Variants in BST1 observed in about 807,000 individuals in gnomAD.
BST1 encodes bone marrow stromal cell antigen 1, also known as ADP-ribosyl cyclase/cyclic ADP-ribose hydrolase 2.
In BST1, 49 loss-of-function variants were observed where a neutral mutation model predicts 40.6. That is an observed-to-expected ratio of 1.21 (90% CI 0.96 to 1.53). The LOEUF (loss-of-function observed/expected upper bound fraction) is 1.53, where lower values mean the gene tolerates loss of function less well. Ranked by LOEUF, BST1 falls within the 40% of genes most tolerant of loss-of-function variation. The pLI is 0.00. For synonymous variants in BST1, 157 were observed against 159.3 expected (o/e 0.99, Z 0.11); for missense variants, 423 against 395.9 (o/e 1.07, Z -0.58).
At chr4:15,751,990 C>T in the BST1 span, among the ~76,000 whole-genome samples, 4 of 152,028 alleles carry the variant, frequency 2.6e-5, no homozygotes, top group Non-Finnish European at 5.9e-5. Context: ...TATAAACATG[C>T]TAAGGAGATT....
At chr4:15,708,684 G>C (rs1720026300) in intron 3 of BST1, among the ~76,000 whole-genome samples, 2 of 152,122 alleles carry the variant, frequency 1.3e-5, no homozygotes, top group South Asian at 4.1e-4. Context: ...TTCGAGATTA[G>C]CCTGGCCAAC....
At chr4:15,741,688 C>T (rs1354891796), downstream of BST1, among the ~76,000 whole-genome samples, 1 of 152,136 alleles carries the variant, frequency 6.6e-6, no homozygotes, top group African/African-American at 2.4e-5. Flanking sequence ...CTGAAAACTA[C>T]ATGAAGCTCA....
Position 15,721,432 on chromosome 4 carries a change from T to C in BST1, c.792-1443T>C, listed in dbSNP as rs547920901. ...AACAATGACAGATAACTACTTTTAT[T>C]AAAAATATGTGCATCACATATACAC... On this transcript the variant is annotated intron_variant, in intron 7 of 8. Transcript: ENST00000265016. 6.6e-5 allele frequency among the ~76,000 whole-genome samples: 10 copies of C among 152,258 alleles called. No homozygotes were observed. In the South Asian group the frequency reaches 2.1e-3, roughly 32 times the overall value.
At chr4:15,763,345 G>T in the BST1 span, among the ~76,000 whole-genome samples, 15 of 151,538 alleles carry the variant, frequency 9.9e-5, no homozygotes, top group Non-Finnish European at 2.1e-4. Context: ...AAAATCTTAG[G>T]ATATAAATTC....
At chr4:15,741,469 C>T (rs2148901672), downstream of BST1, among the ~76,000 whole-genome samples, 1 of 152,258 alleles carries the variant, frequency 6.6e-6, no homozygotes, top group Admixed American at 6.5e-5. Context: ...CATGAAAAAT[C>T]AGTCATAGAT....
At chr4:15,746,531 C>T in the BST1 span, among the ~76,000 whole-genome samples, 5,038 of 152,270 alleles carry the variant, frequency 0.033, 280 homozygotes, top group African/African-American at 0.11. Context: ...GTGTGCCAAA[C>T]TCATCATTTT....
At chr4:15,751,724 A>G in the BST1 span, among the ~76,000 whole-genome samples, 2 of 151,930 alleles carry the variant, frequency 1.3e-5, no homozygotes, top group African/African-American at 4.8e-5. Flanking sequence ...ACATCCACAT[A>G]TAGTATGCAC....
the BST1 span, among the ~76,000 whole-genome samples, chr4:15,753,233 A>G: frequency 2.0e-5 from 3 of 152,170 alleles, no homozygotes; most frequent in African/African-American, 4.8e-5. Flanking sequence ...TTCAGATTAG[A>G]TATGTTCCAG....
At chr4:15,751,199 G>A in the BST1 span, among the ~76,000 whole-genome samples, 1 of 152,190 alleles carries the variant, frequency 6.6e-6, no homozygotes, top group Non-Finnish European at 1.5e-5. Context: ...GGGGTTATAT[G>A]AATTAATTTG....
Position 15,731,796 on chromosome 4 carries a change from G to A in BST1, c.908G>A (p.Gly303Asp). The A allele has an allele frequency of 2.5e-6, 4 of 1,613,844 alleles. No homozygotes were observed. Among genetic ancestry groups the A allele is most frequent in the Non-Finnish European group, 3.4e-6 (4 of 1,179,924 alleles). The change falls in exon 9 of 9, where the codon GGT becomes GAT. Residue 303 changes from glycine (G) to aspartate (D), a missense_variant. Transcript: ENST00000265016. ...APSLYTEQRA[G>D]LIIPLFLVLA... The stretch of plus-strand genomic sequence containing the variant: ...AGTCTTTATACAGAACAAAGGGCGG[G>A]TCTTATCATTCCCCTCTTTCTGGTG...
At chr4:15,735,076 G>T (rs979263729), downstream of BST1, among the ~76,000 whole-genome samples, 2 of 152,134 alleles carry the variant, frequency 1.3e-5, no homozygotes, top group Admixed American at 1.3e-4. Flanking sequence ...CTACCCAGAC[G>T]TGCTCTCTAC....
chr4:15,719,126 A>C, intron 7 of BST1, 133 bp downstream of exon 7: 1 of 699,108 alleles, frequency 1.4e-6, no homozygotes, highest in Non-Finnish European at 2.3e-6. Context: ...CTCGGTGTGG[A>C]GGCAAGGAGC....
the BST1 span, among the ~76,000 whole-genome samples, chr4:15,755,586 T>G: frequency 3.9e-5 from 6 of 152,238 alleles, no homozygotes; most frequent in Non-Finnish European, 8.8e-5. Context: ...TATTCATTCT[T>G]CACTGGATCT....
downstream of BST1, among the ~76,000 whole-genome samples, chr4:15,734,171 G>C (rs528106089): frequency 9.2e-5 from 14 of 152,304 alleles, no homozygotes; most frequent in African/African-American, 3.1e-4. Flanking sequence ...ACCAGTGATT[G>C]TGGGGGTTGA....
In BST1 at chr4:15,705,579, G is replaced by A. The variant is rs377310254; in HGVS notation, c.253G>A (p.Val85Met). 279 of 1,613,468 alleles carry A rather than the reference G, an allele frequency of 1.7e-4. 1 individual carries two copies. The highest frequency in any genetic ancestry group is 4.9e-4 in the East Asian group (22 of 44,876). The stretch of plus-strand genomic sequence containing the variant: ...GGCGCTGGACAAGGATCCCTGCTCC[G>A]TGCTGCCCTCAGACTATGACCTTTT... ...KVALDKDPCSVLPSDYDLFIN... is the reference protein window; with the variant it reads ...KVALDKDPCSMLPSDYDLFIN... Residue 85 changes from valine to methionine, a missense_variant, in exon 2 of 9, where the codon GTG becomes ATG. Coordinates refer to ENST00000265016, the MANE Select transcript of BST1 (RefSeq NM_004334.3).
chr4:15,715,833 A>C (rs1720488036), intron 6 of BST1, 34 bp downstream of exon 6: 2 of 1,447,956 alleles, frequency 1.4e-6, no homozygotes, highest in Non-Finnish European at 9.3e-7. Flanking sequence ...TGATAATTGC[A>C]CAAGTTTGTT....
intron 3 of BST1, among the ~76,000 whole-genome samples, chr4:15,708,253 G>A (rs186798560): frequency 1.5e-3 from 231 of 152,218 alleles, no homozygotes; most frequent in African/African-American, 5.3e-3. Context: ...CAGATATTTC[G>A]AGATCCAAGT....
chr4:15,737,809 G>T (rs781627977), exon 7 of BST1: 1 of 1,285,848 alleles, frequency 7.8e-7, no homozygotes, highest in Non-Finnish European at 1.0e-6. Flanking sequence ...ACCATGATGG[G>T]GAAGATACTG....
downstream of BST1, among the ~76,000 whole-genome samples, chr4:15,741,243 T>C (rs917476382): frequency 1.3e-5 from 2 of 152,160 alleles, no homozygotes; most frequent in African/African-American, 4.8e-5. Context: ...GGGCCATCCC[T>C]GTCTACAGCT....
Sources: allele counts gnomAD v4.1 joint callset (sites outside exome capture counted in the v4.1 genomes callset), GRCh38; gene constraint gnomAD v4.1.1; transcripts MANE v1.5; gene names NCBI Gene and HGNC (gene_info 2026-07-23, HGNC 2026-07-21).